GRIA2: variants seen among roughly 807,000 people sequenced by gnomAD.
GRIA2 encodes the protein glutamate ionotropic receptor AMPA type subunit 2.
Under a neutral mutation model 97.3 loss-of-function variants are expected in GRIA2, and 14 were observed. The observed-to-expected ratio is 0.14, with a 90% CI of 0.10 to 0.23. The LOEUF is 0.23. Ranked by LOEUF, GRIA2 falls within the 10% of genes least tolerant of loss-of-function variation. The probability of loss-of-function intolerance (pLI) is 1.00; values close to 1 mark genes in which losing one functional copy is unlikely to be tolerated. For synonymous variants in GRIA2, 412 were observed against 387.8 expected, an observed-to-expected ratio of 1.06 and a Z score of -0.73; for missense variants, 558 against 1,069.8, an observed-to-expected ratio of 0.52 and a Z score of 6.67.
At chr4:157,230,073 C>A (rs964238627) in intron 2 of GRIA2, among the ~76,000 whole-genome samples, 3 of 152,044 alleles carry the variant, frequency 2.0e-5, no homozygotes, top group Non-Finnish European at 4.4e-5. Flanking sequence ...TTAATAATGT[C>A]TAACTTCAGC....
At chr4:157,291,827 G>A (rs773117933) in intron 2 of GRIA2, among the ~76,000 whole-genome samples, 1 of 151,644 alleles carries the variant, frequency 6.6e-6, no homozygotes, top group African/African-American at 2.4e-5. Flanking sequence ...CAACCCAAAA[G>A]CTCATAGAAC....
intron 2 of GRIA2, among the ~76,000 whole-genome samples, chr4:157,291,269 A>G (rs898545659): frequency 6.6e-6 from 1 of 151,824 alleles, no homozygotes; most frequent in East Asian, 1.9e-4. Flanking sequence ...CTCCCTCTCA[A>G]TGGTTTAGCT....
rs754347214 is a variant in GRIA2 at position 157,360,047 on chromosome 4, A to T, written c.2195A>T (p.Tyr732Phe). 1.2e-6 allele frequency: 2 copies of T among 1,614,030 alleles called. No homozygotes were observed. Among genetic ancestry groups the T allele is most frequent in the Non-Finnish European group, 1.7e-6 (2 of 1,179,928 alleles). The change falls in exon 13 of 16, where the codon TAC becomes TTC. Residue 732 changes from tyrosine to phenylalanine, a missense_variant. Tyr to Phe is a conservative substitution (Grantham distance 22). Transcript: ENST00000264426. ...TTGTTGGAGTCCACGATGAACGAGT[A>T]CATTGAGCAAAGGAAGCCTTGCGAC... ...AYLLESTMNE[Y>F]IEQRKPCDTM...
At chr4:157,293,981 A>G (rs1423152463) in intron 2 of GRIA2, among the ~76,000 whole-genome samples, 2 of 152,074 alleles carry the variant, frequency 1.3e-5, no homozygotes, top group Non-Finnish European at 2.9e-5. Context: ...GCATTATACT[A>G]TATTGAAAAA....
chr4:157,280,645 G>A (rs966486504), intron 2 of GRIA2, among the ~76,000 whole-genome samples: 2 of 151,872 alleles, frequency 1.3e-5, no homozygotes, highest in Non-Finnish European at 2.9e-5. Context: ...GCATGTATAC[G>A]TGTTTCCCAA....
chr4:157,311,929 T>TA (rs1321184388), intron 3 of GRIA2, among the ~76,000 whole-genome samples: 1 of 151,874 alleles, frequency 6.6e-6, no homozygotes, highest in African/African-American at 2.4e-5. Context: ...TATGGACAAT[T>TA]AAAAAAACAA....
At chr4:157,243,353 C>T (rs928316292) in intron 2 of GRIA2, among the ~76,000 whole-genome samples, 5 of 151,972 alleles carry the variant, frequency 3.3e-5, no homozygotes, top group African/African-American at 1.2e-4. Context: ...TTTCACCTTG[C>T]TCTGAAATGT....
intron 12 of GRIA2, among the ~76,000 whole-genome samples, chr4:157,353,714 A>G (rs968572103): frequency 1.1e-4 from 17 of 152,068 alleles, no homozygotes; most frequent in Non-Finnish European, 2.9e-5. Flanking sequence ...CAAAAAAACA[A>G]AAAAACCTTA....
intron 2 of GRIA2, among the ~76,000 whole-genome samples, chr4:157,266,064 A>G (rs554030021): frequency 2.6e-5 from 4 of 152,194 alleles, no homozygotes; most frequent in East Asian, 1.9e-4. Context: ...TTCTGTCTTG[A>G]TAAGTTAGAG....
At chr4:157,295,804 A>G (rs531303471) in intron 2 of GRIA2, among the ~76,000 whole-genome samples, 1 of 152,236 alleles carries the variant, frequency 6.6e-6, no homozygotes, top group South Asian at 2.1e-4. Context: ...CCCAATTTTT[A>G]CCTGGAAACC....
intron 11 of GRIA2, among the ~76,000 whole-genome samples, chr4:157,340,530 A>G (rs1735501153): frequency 6.6e-6 from 1 of 151,960 alleles, no homozygotes; most frequent in Non-Finnish European, 1.5e-5. Context: ...CTAGAAATTT[A>G]TGTCTTCACA....
intron 5 of GRIA2, among the ~76,000 whole-genome samples, chr4:157,319,597 G>A (rs1454748070): frequency 6.6e-6 from 1 of 152,064 alleles, no homozygotes; most frequent in Non-Finnish European, 1.5e-5. Flanking sequence ...TGAGAATTTG[G>A]AGGACACTTG....
At chr4:157,316,992 G>C (rs1288332336) in intron 4 of GRIA2, among the ~76,000 whole-genome samples, 1 of 152,076 alleles carries the variant, frequency 6.6e-6, no homozygotes, top group African/African-American at 2.4e-5. Context: ...GTTTCATGCT[G>C]TGTTTATCTT....
chr4:157,346,742 T>C (rs993827077), intron 12 of GRIA2, among the ~76,000 whole-genome samples: 2 of 152,198 alleles, frequency 1.3e-5, no homozygotes, highest in Non-Finnish European at 2.9e-5. Context: ...GTTAGTCATT[T>C]ATTACAAATT....
chr4:157,355,758 A>AT (rs1373924030), intron 12 of GRIA2, among the ~76,000 whole-genome samples: 1 of 54,700 alleles, frequency 1.8e-5, no homozygotes, highest in Non-Finnish European at 4.1e-5. Context: ...ATTTACATAT[A>AT]TTAGTTATAT....
chr4:157,298,520 T>A (rs1456702267), intron 2 of GRIA2, among the ~76,000 whole-genome samples: 1 of 151,892 alleles, frequency 6.6e-6, no homozygotes. Context: ...ATTTTTTCAT[T>A]ATTTTTATGG....
chr4:157,282,058 A>G (rs1732630518), intron 2 of GRIA2, among the ~76,000 whole-genome samples: 1 of 152,182 alleles, frequency 6.6e-6, no homozygotes, highest in Non-Finnish European at 1.5e-5. Flanking sequence ...CTAACACAAC[A>G]CATGAGCTTC....
chr4:157,295,973 T>C (rs183748404), intron 2 of GRIA2, among the ~76,000 whole-genome samples: 115 of 152,274 alleles, frequency 7.6e-4, no homozygotes, highest in Admixed American at 3.1e-3. Flanking sequence ...CAAAATTTGT[T>C]ATTGGGCATA....
chr4:157,303,548 C>T lies in GRIA2; in HGVS notation c.230-4C>T. The T allele has an allele frequency of 4.3e-6, 7 of 1,612,536 alleles. No homozygotes were observed. The highest frequency in any genetic ancestry group is 5.1e-6 in the Non-Finnish European group (6 of 1,178,752). ...TTTCCTTTCTATTTTTCCTATTCTT[C>T]TAGTCTGCTCCCAGTTTTCGAGAGG... On this transcript the variant is annotated splice_polypyrimidine_tract_variant and splice_region_variant and intron_variant, in intron 2 of 15. Coordinates refer to ENST00000264426, the MANE Select transcript of GRIA2 (RefSeq NM_001083619.3).
Sources: allele counts gnomAD v4.1 joint callset (sites outside exome capture counted in the v4.1 genomes callset), GRCh38; gene constraint gnomAD v4.1.1; transcripts MANE v1.5; gene names NCBI Gene and HGNC (gene_info 2026-07-23, HGNC 2026-07-21).